Variants in ATXN10 observed in about 807,000 individuals in gnomAD.
The protein encoded by ATXN10 is ataxin-10.
ATXN10 carries 28 observed loss-of-function variants against 52.9 expected under a neutral mutation model. The ratio of observed to expected loss-of-function variants is 0.53; its 90% CI spans 0.39 to 0.73. The LOEUF (loss-of-function observed/expected upper bound fraction) is 0.73, where lower values mean the gene tolerates loss of function less well. Among genes scored for constraint, ATXN10 ranks in the 30% least tolerant of loss-of-function variants. ATXN10 has a pLI of 0.00. For missense variants in ATXN10, 565 were observed against 577.0 expected (o/e 0.98, Z 0.21); for synonymous variants, 226 against 221.5 (o/e 1.02, Z -0.18).
intron 10 of ATXN10, among the ~76,000 whole-genome samples, chr22:45,809,334 CT>C (rs1433028015): frequency 3.3e-5 from 5 of 152,172 alleles, no homozygotes; most frequent in African/African-American, 9.6e-5. Flanking sequence ...GCATTTTTTC[CT>C]TTATTTTTTT....
rs61315673 is a variant in ATXN10 at position 45,732,574 on chromosome 22, C to CTTT, written c.894+2997_894+2999dup. On this transcript the variant is annotated intron_variant, in intron 7 of 11. Coordinates refer to ENST00000252934, the MANE Select transcript of ATXN10 (RefSeq NM_013236.4). This position sits in a 1 kb window ranked among gnomAD's most constrained non-coding sequence, Gnocchi z 4.5. ...TGCGTATTAATGCACATATGTCATACTTTTTTTTTTTTTTTAAAAGAGGAC... is the reference window on the plus strand; with the variant it reads ...TGCGTATTAATGCACATATGTCATACTTTTTTTTTTTTTTTTTTAAAAGAGGAC... Among the ~76,000 whole-genome samples the CTTT allele has an allele frequency of 4.2e-5, 6 of 144,036 alleles. No homozygotes were observed. Among genetic ancestry groups the CTTT allele is most frequent in the Non-Finnish European group, 9.2e-5 (6 of 65,324 alleles). 94.5% of individuals were successfully genotyped at this position (144,036 alleles called of 152,430 possible). A position where few individuals can be genotyped will look rare whatever the true frequency, so the allele number is the denominator to read the frequency against.
chr22:45,836,615 CT>C (rs1315654139), intron 10 of ATXN10, among the ~76,000 whole-genome samples: 1 of 152,190 alleles, frequency 6.6e-6, no homozygotes, highest in East Asian at 1.9e-4. Context: ...GGACTCCCCC[CT>C]GGGGATGCAC....
At chr22:45,797,779 G>T (rs112587970) in intron 9 of ATXN10, among the ~76,000 whole-genome samples, 1,699 of 152,240 alleles carry the variant, frequency 0.011, 39 homozygotes, top group African/African-American at 0.039. Context: ...TATTTAAAAA[G>T]ATTGATCAAT....
At position 45,826,079 on chromosome 22, in the gene ATXN10, A is replaced by G. The variant is rs1369382866; in HGVS notation, c.1238-16912A>G. ...CCTGTCTCTAAATCAAAACAAAACA[A>G]AAAGCCCAATATGGACAAAATGAAA... On this transcript the variant is annotated intron_variant, in intron 10 of 11. Coordinates refer to ENST00000252934, the MANE Select transcript of ATXN10 (RefSeq NM_013236.4). The surrounding 1 kb of genome is among the most constrained non-coding windows in gnomAD (Gnocchi z 5.0). 3.3e-5 allele frequency among the ~76,000 whole-genome samples: 5 copies of G among 152,178 alleles called. No individual in the cohort carries two copies. Among genetic ancestry groups the G allele is most frequent in the Non-Finnish European group, 7.3e-5 (5 of 68,040 alleles).
chr22:45,702,589 A>C, intron 4 of ATXN10, 100 bp from the exon 5 acceptor site: 1 of 1,078,730 alleles, frequency 9.3e-7, no homozygotes, highest in Non-Finnish European at 1.4e-6. Context: ...AATCCTCAAA[A>C]GTATTAGCAT....
intron 10 of ATXN10, among the ~76,000 whole-genome samples, chr22:45,839,270 T>C (rs2146918303): frequency 6.6e-6 from 1 of 152,368 alleles, no homozygotes; most frequent in South Asian, 2.1e-4. Context: ...GATACTAATT[T>C]TGGAAGAAGA....
At chr22:45,709,884 T>C (rs1276662941) in intron 5 of ATXN10, among the ~76,000 whole-genome samples, 1 of 152,236 alleles carries the variant, frequency 6.6e-6, no homozygotes, top group African/African-American at 2.4e-5. Flanking sequence ...ACTCGTTTGC[T>C]GAGGCCTGGA....
At chr22:45,748,179 TAAA>T (rs369182405) in intron 9 of ATXN10, among the ~76,000 whole-genome samples, 1 of 145,118 alleles carries the variant, frequency 6.9e-6, no homozygotes, top group Non-Finnish European at 1.5e-5. Context: ...ACTCTGTCTT[TAAA>T]AAAAAAAAAA....
Position 45,825,388 on chromosome 22 carries a change from A to G in ATXN10, c.1238-17603A>G, listed in dbSNP as rs189135415. ...TACTAGGACATTGAAAAATAACTGT[A>G]TATACAGGGAAAATTAGAAAGTCAC... On this transcript the variant is annotated intron_variant, in intron 10 of 11. Transcript: ENST00000252934. This position sits in a 1 kb window ranked among gnomAD's most constrained non-coding sequence, Gnocchi z 4.5. Among the ~76,000 whole-genome samples, 2 of 152,308 alleles carry G rather than the reference A, an allele frequency of 1.3e-5. No homozygotes were observed. Among genetic ancestry groups the G allele is most frequent in the African/African-American group, 4.8e-5 (2 of 41,556 alleles).
intron 1 of ATXN10, 134 bp downstream of exon 1, chr22:45,672,313 G>T (rs1321080333): frequency 1.3e-5 from 13 of 1,025,758 alleles, no homozygotes; most frequent in Non-Finnish European, 1.5e-5. Context: ...CGGGCTGCCT[G>T]AGCGCCACCC....
chr22:45,708,648 T>G lies in ATXN10; in HGVS notation c.647+5801T>G, dbSNP rs1024077940. 1.9e-4 allele frequency among the ~76,000 whole-genome samples: 29 copies of G among 152,134 alleles called. No individual in the cohort carries two copies. Among genetic ancestry groups the G allele is most frequent in the African/African-American group, 5.8e-4 (24 of 41,422 alleles). ...GTTTTAGCCTCTTTTGGTGTAAACT[T>G]TTTCTTTTTGAGACAGAGTCTCACT... On this transcript the variant is annotated intron_variant, in intron 5 of 11. Transcript: ENST00000252934. The surrounding 1 kb of genome is among the most constrained non-coding windows in gnomAD (Gnocchi z 5.3).
rs914745831 is a variant in ATXN10, at chr22:45,842,320, T to C, written c.1238-671T>C. 5.9e-5 allele frequency among the ~76,000 whole-genome samples: 9 copies of C among 152,118 alleles called. No individual in the cohort carries two copies. The highest frequency in any genetic ancestry group is 5.9e-5 in the Non-Finnish European group (4 of 68,012). ...CCCAGTCTTCGTAGGTTGTCTCTGGTCTCCTGCCAAGCGGAACGTGCCAGG... is the reference window on the plus strand; with the variant it reads ...CCCAGTCTTCGTAGGTTGTCTCTGGCCTCCTGCCAAGCGGAACGTGCCAGG... On this transcript the variant is annotated intron_variant, in intron 10 of 11. Coordinates refer to ENST00000252934, the MANE Select transcript of ATXN10 (RefSeq NM_013236.4). This position sits in a 1 kb window ranked among gnomAD's most constrained non-coding sequence, Gnocchi z 4.8.
rs1196154460 is a variant in ATXN10, at chr22:45,688,535, C to T, written c.117-1177C>T. Among the ~76,000 whole-genome samples the T allele has an allele frequency of 2.0e-5, 3 of 152,134 alleles. No homozygotes were observed. The highest frequency in any genetic ancestry group is 4.4e-5 in the Non-Finnish European group (3 of 68,018). On this transcript the variant is annotated intron_variant, in intron 1 of 11. Transcript: ENST00000252934. The surrounding 1 kb of genome is among the most constrained non-coding windows in gnomAD (Gnocchi z 4.0). ...CTGTTCGTAAGATAAAAACACACAT[C>T]ACTTGGTGTATAAGAAGCCATGGTA...
intron 7 of ATXN10, chr22:45,738,520 T>C: frequency 1.9e-6 from 1 of 534,990 alleles, no homozygotes; most frequent in South Asian, 2.3e-5. Context: ...GCATTCTTGA[T>C]GGCAGATGTC....
chr22:45,793,841 A>G (rs780112785), intron 9 of ATXN10: 14 of 1,295,322 alleles, frequency 1.1e-5, no homozygotes, highest in Non-Finnish European at 1.3e-5. Flanking sequence ...AAATAATTCA[A>G]GGGTGAGCTG....
intron 2 of ATXN10, among the ~76,000 whole-genome samples, chr22:45,691,878 G>A (rs1238024565): frequency 2.0e-5 from 3 of 152,146 alleles, no homozygotes; most frequent in African/African-American, 7.2e-5. Flanking sequence ...GGGCAACAGA[G>A]TGAGACTCCG....
rs1926585011 is a variant in ATXN10 at position 45,766,465 on chromosome 22, G to T, written c.1173+25927G>T. On this transcript the variant is annotated intron_variant, in intron 9 of 11. Transcript: ENST00000252934. This position sits in a 1 kb window ranked among gnomAD's most constrained non-coding sequence, Gnocchi z 4.6. ...GGAAAAATTGCCTTCCATGAAATCAGTCCCTGGTGCCAAAAAGGTTGGGAA... is the reference window on the plus strand; with the variant it reads ...GGAAAAATTGCCTTCCATGAAATCATTCCCTGGTGCCAAAAAGGTTGGGAA... 5.3e-5 allele frequency among the ~76,000 whole-genome samples: 8 copies of T among 152,142 alleles called. No homozygotes were observed. The highest frequency in any genetic ancestry group is 5.2e-4 in the Admixed American group (8 of 15,278).
chr22:45,729,535 T>C lies in ATXN10; in HGVS notation c.839T>C (p.Val280Ala). 1 of 1,614,174 alleles carries C rather than the reference T, an allele frequency of 6.2e-7. No homozygotes were observed. Among genetic ancestry groups the C allele is most frequent in the Non-Finnish European group, 8.5e-7 (1 of 1,180,022 alleles). ...GCTGAGTTGATTGCAAGCACCTTTG[T>C]GGATCAGTGCAAGACTGTGCTCAAG... ...RHAELIASTFVDQCKTVLKLA... is the reference protein window; with the variant it reads ...RHAELIASTFADQCKTVLKLA... The change falls in exon 7 of 12, where the codon GTG (valine) becomes GCG (alanine). Residue 280 changes from valine (V) to alanine (A), a missense_variant. Transcript: ENST00000252934.
chr22:45,725,250 G>C (rs1448842499), intron 6 of ATXN10, among the ~76,000 whole-genome samples: 1 of 152,068 alleles, frequency 6.6e-6, no homozygotes, highest in Non-Finnish European at 1.5e-5. Context: ...TTGGGCATAT[G>C]ATCATTTTAA....
Sources: gnomAD v4.1 joint callset for allele counts (sites outside exome capture counted in the v4.1 genomes callset) on GRCh38, gnomAD v4.1.1 for gene constraint, Gnocchi (gnomAD v3.1) non-coding constraint, MANE v1.5 for transcripts, NCBI Gene and HGNC (gene_info 2026-07-23, HGNC 2026-07-21) for gene names.